The following REDIC1 variants were observed in gnomAD, a reference collection of about 807,000 sequenced individuals.
REDIC1 encodes HEI10 Interacting Protein 1.
chr12:39,805,710 T>C, the REDIC1 span, among the ~76,000 whole-genome samples: 3 of 152,088 alleles, frequency 2.0e-5, no homozygotes. Flanking sequence ...CAAAGGTAAG[T>C]GAAGGGAGTT....
the REDIC1 span, among the ~76,000 whole-genome samples, chr12:39,736,126 A>G: frequency 0.01 from 1,554 of 152,370 alleles, 21 homozygotes; most frequent in African/African-American, 0.035. Flanking sequence ...ATGAGCTCAG[A>G]GCATAGAGCT....
chr12:39,786,328 T>C, the REDIC1 span, among the ~76,000 whole-genome samples: 2 of 143,034 alleles, frequency 1.4e-5, no homozygotes, highest in Non-Finnish European at 3.1e-5. Flanking sequence ...TTCCTCCTCA[T>C]TTTTCTCTTG....
At chr12:39,775,203 C>T in the REDIC1 span, among the ~76,000 whole-genome samples, 5 of 152,102 alleles carry the variant, frequency 3.3e-5, no homozygotes, top group Admixed American at 2.0e-4. Context: ...AATTAAGGTA[C>T]AACTGAATAA....
the REDIC1 span, among the ~76,000 whole-genome samples, chr12:39,853,737 G>A: frequency 6.6e-6 from 1 of 151,946 alleles, no homozygotes; most frequent in African/African-American, 2.4e-5. Context: ...GAAGTGATCA[G>A]AAGTAAATTT....
At chr12:39,797,727 AACACACACACACACACACAC>A in the REDIC1 span, among the ~76,000 whole-genome samples, 1 of 84,002 alleles carries the variant, frequency 1.2e-5, no homozygotes, top group South Asian at 5.0e-4. Context: ...AGTTATGGTA[AACACACACACACACACACAC>A]ACACACACAC....
chr12:39,868,751 G>C, the REDIC1 span, among the ~76,000 whole-genome samples: 1 of 152,240 alleles, frequency 6.6e-6, no homozygotes, highest in South Asian at 2.1e-4. Flanking sequence ...CATTAAATTT[G>C]TAATATTTAC....
At chr12:39,667,050 T>TG in the REDIC1 span, among the ~76,000 whole-genome samples, 1 of 152,192 alleles carries the variant, frequency 6.6e-6, no homozygotes, top group Non-Finnish European at 1.5e-5. Context: ...GAAGGGTTTT[T>TG]TGTGTCTCTA....
chr12:39,721,644 G>C, the REDIC1 span: 1 of 157,440 alleles, frequency 6.4e-6, no homozygotes, highest in Non-Finnish European at 1.4e-5. Context: ...TGGCAAAAAT[G>C]TTCCCTTTCA....
At chr12:39,881,022 C>T in the REDIC1 span, among the ~76,000 whole-genome samples, 19 of 152,162 alleles carry the variant, frequency 1.2e-4, no homozygotes, top group African/African-American at 4.6e-4. Context: ...TGTGATTGTT[C>T]CCAAACCTGT....
the REDIC1 span, among the ~76,000 whole-genome samples, chr12:39,838,510 A>G: frequency 6.7e-6 from 1 of 148,156 alleles, no homozygotes; most frequent in Non-Finnish European, 1.5e-5. Context: ...ATAAATTAAA[A>G]AAAAAAAAAA....
the REDIC1 span, among the ~76,000 whole-genome samples, chr12:39,664,093 A>G: frequency 6.6e-6 from 1 of 151,048 alleles, no homozygotes; most frequent in Admixed American, 6.6e-5. Context: ...TTTTTTTTAA[A>G]CTTTAAGTTT....
the REDIC1 span, among the ~76,000 whole-genome samples, chr12:39,815,210 C>T: frequency 1.3e-5 from 2 of 152,096 alleles, no homozygotes; most frequent in African/African-American, 4.8e-5. Context: ...TTTAGACTTT[C>T]TGAAAGAAAC....
chr12:39,752,840 G>T, the REDIC1 span, among the ~76,000 whole-genome samples: 49 of 150,764 alleles, frequency 3.3e-4, no homozygotes, highest in South Asian at 9.3e-3. Context: ...CCATTTAAAA[G>T]AACATGTCAG....
At chr12:39,720,909 G>C in the REDIC1 span, 18 of 1,613,464 alleles carry the variant, frequency 1.1e-5, no homozygotes, top group South Asian at 1.9e-4. Context: ...CAGGTGACAG[G>C]ATTGTTAAAA....
At chr12:39,802,455 T>C in the REDIC1 span, 2 of 151,820 alleles carry the variant, frequency 1.3e-5, no homozygotes, top group African/African-American at 4.8e-5. Flanking sequence ...TGGCGGGAAA[T>C]GATGCCGAGA....
chr12:39,694,612 C>T, the REDIC1 span, among the ~76,000 whole-genome samples: 3 of 152,216 alleles, frequency 2.0e-5, no homozygotes, highest in African/African-American at 7.2e-5. Context: ...TGCATAAGCC[C>T]TCCTATTATG....
At chr12:39,793,112 G>A in the REDIC1 span, among the ~76,000 whole-genome samples, 30 of 152,130 alleles carry the variant, frequency 2.0e-4, no homozygotes, top group African/African-American at 7.0e-4. Flanking sequence ...AAATCTAATG[G>A]AATCAACAAA....
At chr12:39,822,324 C>T in the REDIC1 span, among the ~76,000 whole-genome samples, 1 of 152,072 alleles carries the variant, frequency 6.6e-6, no homozygotes, top group Non-Finnish European at 1.5e-5. Context: ...CTATCCATGT[C>T]CAGGTATCAC....
chr12:39,692,077 CT>C, the REDIC1 span: 15 of 1,577,730 alleles, frequency 9.5e-6, no homozygotes, highest in Non-Finnish European at 1.2e-5. Flanking sequence ...GGAATATATT[CT>C]TTAAAAAGCA....
Sources: gnomAD v4.1 joint callset for allele counts (sites outside exome capture counted in the v4.1 genomes callset) on GRCh38, gnomAD v4.1.1 for gene constraint, MANE v1.5 for transcripts, NCBI Gene and HGNC (gene_info 2026-07-23, HGNC 2026-07-21) for gene names.